HDAC9: variants seen among roughly 807,000 people sequenced by gnomAD.
HDAC9 encodes histone deacetylase 9.
In HDAC9, 41 loss-of-function variants were observed where a neutral mutation model predicts 139.4. That is an observed-to-expected ratio of 0.29 (90% CI 0.23 to 0.38). HDAC9 has a LOEUF of 0.38. HDAC9 is among the 10% of genes least tolerant of loss of function. The pLI is 1.00. For missense variants in HDAC9, 1,147 were observed against 1,297.0 expected, an observed-to-expected ratio of 0.88 and a Z score of 1.78; for synonymous variants, 517 against 476.2, an observed-to-expected ratio of 1.09 and a Z score of -1.12.
At chr7:18,920,945 T>C (rs576928156) in intron 22 of HDAC9, among the ~76,000 whole-genome samples, 185 of 152,236 alleles carry the variant, frequency 1.2e-3, no homozygotes, top group Non-Finnish European at 2.4e-3. Flanking sequence ...TACAACTATC[T>C]GATCTTTGAC....
intron 1 of HDAC9, among the ~76,000 whole-genome samples, chr7:18,432,909 C>G (rs1404850647): frequency 6.6e-6 from 1 of 151,188 alleles, no homozygotes; most frequent in Non-Finnish European, 1.5e-5. Context: ...CGAGATCGCG[C>G]CACTGCATTC....
intron 18 of HDAC9, 40 bp from the exon 19 acceptor site, chr7:18,829,421 G>A: frequency 4.9e-6 from 7 of 1,420,652 alleles, no homozygotes; most frequent in South Asian, 1.2e-5. Context: ...TTTCCTGGAT[G>A]ATTTGCTTTC....
intron 1 of HDAC9, among the ~76,000 whole-genome samples, chr7:18,453,956 A>G (rs1317957563): frequency 1.3e-5 from 2 of 152,146 alleles, no homozygotes; most frequent in South Asian, 2.1e-4. Flanking sequence ...AGTTGCAGAA[A>G]TATTTATTTA....
At chr7:18,688,183 C>T (rs1005438296) in intron 12 of HDAC9, among the ~76,000 whole-genome samples, 8 of 151,476 alleles carry the variant, frequency 5.3e-5, no homozygotes, top group Non-Finnish European at 1.2e-4. Context: ...TAGTTTTCAA[C>T]AAGTGGAATA....
At chr7:18,191,118 C>G (rs1790325221) in intron 2 of HDAC9, among the ~76,000 whole-genome samples, 1 of 152,140 alleles carries the variant, frequency 6.6e-6, no homozygotes, top group Non-Finnish European at 1.5e-5. Context: ...CATTAATACC[C>G]TACTGTTGAC....
intron 10 of HDAC9, among the ~76,000 whole-genome samples, chr7:18,648,237 G>A (rs931994004): frequency 6.6e-6 from 1 of 152,068 alleles, no homozygotes; most frequent in South Asian, 2.1e-4. Flanking sequence ...GTGGTGAGTC[G>A]TATGGTCAGA....
At chr7:18,981,655 A>G (rs533910681) in intron 25 of HDAC9, among the ~76,000 whole-genome samples, 23 of 152,264 alleles carry the variant, frequency 1.5e-4, no homozygotes, top group Non-Finnish European at 2.9e-4. Flanking sequence ...TTCAGTCATC[A>G]TATCTCTCTC....
At chr7:18,161,841 T>C (rs909440020) in intron 1 of HDAC9, among the ~76,000 whole-genome samples, 8 of 152,206 alleles carry the variant, frequency 5.3e-5, no homozygotes, top group African/African-American at 1.4e-4. Context: ...ATAATGATAG[T>C]TTAAAATGCT....
At position 18,349,221 on chromosome 7, in the gene HDAC9, A is replaced by G. The variant is rs556638620; in HGVS notation, c.-42+58706A>G. On this transcript the variant is annotated intron_variant, in intron 1 of 3. Transcript: ENST00000413509. ...GCATTTGTTGGTCCCTGTGCTTGAA[A>G]CTGTCTTGCCTTAGGTAAGCTGTGC... Among the ~76,000 whole-genome samples, 3 of 151,332 alleles carry G rather than the reference A, an allele frequency of 2.0e-5. No individual in the cohort carries two copies. In the East Asian group the frequency reaches 5.9e-4, roughly 30 times the overall value.
chr7:18,549,065 C>T (rs1200169296), intron 2 of HDAC9, among the ~76,000 whole-genome samples: 1 of 152,068 alleles, frequency 6.6e-6, no homozygotes, highest in Non-Finnish European at 1.5e-5. Context: ...TGGTGAAACC[C>T]CATCTCTACT....
rs183523563 is a variant in HDAC9 at position 18,748,884 on chromosome 7, C to T, written c.1910-121C>T. On this transcript the variant is annotated intron_variant, in intron 13 of 25. Coordinates refer to ENST00000686413, the MANE Select transcript of HDAC9 (RefSeq NM_178425.4). ...CTGAGAATTTGCTTTGTGATATTTC[C>T]TCCTTTGTTAAATTTATTTTAAGAA... 1.1e-5 allele frequency: 10 copies of T among 943,322 alleles called. No homozygotes were observed. In the Admixed American group the frequency reaches 1.6e-4, roughly 15 times the overall value. The allele number at this position is 943,322 out of a possible 1,614,324, so 58.4% of individuals were successfully genotyped here. A position where few individuals can be genotyped will look rare whatever the true frequency, so the allele number is the denominator to read the frequency against.
At position 18,466,229 on chromosome 7, in the gene HDAC9, C is replaced by T. The variant is rs543521360; in HGVS notation, c.-41-30033C>T. Among the ~76,000 whole-genome samples the T allele has an allele frequency of 4.6e-5, 7 of 152,314 alleles. 1 individual carries two copies. The highest frequency in any genetic ancestry group is 4.1e-4 in the South Asian group (2 of 4,830). On this transcript the variant is annotated intron_variant, in intron 1 of 3. Transcript: ENST00000413509. ...TTATTTATTTAGAGACAGGGTTTCA[C>T]TCTCTTGCCCAGGCTAGAGTGCAGT...
At chr7:18,349,214 G>C (rs1403739866) in intron 1 of HDAC9, among the ~76,000 whole-genome samples, 1 of 151,648 alleles carries the variant, frequency 6.6e-6, no homozygotes, top group Non-Finnish European at 1.5e-5. Flanking sequence ...TGGTCCCTGT[G>C]CTTGAAACTG....
chr7:18,598,930 G>A (rs1227389868), intron 6 of HDAC9, among the ~76,000 whole-genome samples: 2 of 152,174 alleles, frequency 1.3e-5, no homozygotes, highest in East Asian at 1.9e-4. Context: ...TAGTCCTAGC[G>A]ACTCAGGAGG....
intron 2 of HDAC9, among the ~76,000 whole-genome samples, chr7:18,576,862 T>C (rs1826126292): frequency 6.6e-6 from 1 of 151,974 alleles, no homozygotes; most frequent in South Asian, 2.1e-4. Context: ...TTTGGTGGAA[T>C]AGATGTTTAA....
intron 22 of HDAC9, among the ~76,000 whole-genome samples, chr7:18,909,717 C>A (rs748965550): frequency 6.6e-6 from 1 of 151,870 alleles, no homozygotes; most frequent in African/African-American, 2.4e-5. Flanking sequence ...GGAGACTGTC[C>A]CTTCCCCAAC....
At chr7:18,811,563 T>G (rs147130444) in intron 17 of HDAC9, among the ~76,000 whole-genome samples, 4 of 151,974 alleles carry the variant, frequency 2.6e-5, no homozygotes, top group African/African-American at 7.2e-5. Flanking sequence ...AATTGATACA[T>G]AATTTAATTC....
chr7:18,906,821 T>G (rs1802301025), intron 22 of HDAC9: 1 of 152,230 alleles, frequency 6.6e-6, no homozygotes. Flanking sequence ...CACAATCAAT[T>G]TCGAGGACCA....
intron 16 of HDAC9, among the ~76,000 whole-genome samples, chr7:18,788,959 A>G (rs1792060280): frequency 1.3e-5 from 2 of 152,102 alleles, no homozygotes; most frequent in Admixed American, 1.3e-4. Context: ...CACTCAATGT[A>G]TTCTATATGT....
Sources: gnomAD v4.1 joint callset for allele counts (sites outside exome capture counted in the v4.1 genomes callset) on GRCh38, gnomAD v4.1.1 for gene constraint, MANE v1.5 for transcripts, NCBI Gene and HGNC (gene_info 2026-07-23, HGNC 2026-07-21) for gene names.